The following FZD3 variants were observed in gnomAD, a reference collection of about 807,000 sequenced individuals.
The protein encoded by FZD3 is frizzled-3.
FZD3 carries 30 observed loss-of-function variants against 60.7 expected under a neutral mutation model. That is an observed-to-expected ratio of 0.49 (90% CI 0.37 to 0.67). The LOEUF is 0.67. FZD3 is among the 30% of genes least tolerant of loss of function. The pLI, the probability that FZD3 is intolerant of heterozygous loss-of-function variation, is 0.00. For missense variants in FZD3, 605 were observed against 838.7 expected, an observed-to-expected ratio of 0.72 and a Z score of 3.44; for synonymous variants, 246 against 275.2, an observed-to-expected ratio of 0.89 and a Z score of 1.05.
intron 5 of FZD3, among the ~76,000 whole-genome samples, chr8:28,531,313 G>A (rs1029372662): frequency 6.6e-6 from 1 of 152,100 alleles, no homozygotes; most frequent in Non-Finnish European, 1.5e-5. Flanking sequence ...ATGTTTTTGA[G>A]AATATATATG....
chr8:28,537,541 GCTTTGCTGCTATGGTA>G (rs1805048741), intron 5 of FZD3, among the ~76,000 whole-genome samples: 1 of 74,290 alleles, frequency 1.3e-5, no homozygotes, highest in Non-Finnish European at 3.2e-5. Flanking sequence ...CAACTACTCA[GCTTTGCTGCTATGGTA>G]CAAAAGCAGC....
chr8:28,515,060 G>A (rs547272748), intron 3 of FZD3, among the ~76,000 whole-genome samples: 3 of 152,216 alleles, frequency 2.0e-5, no homozygotes, highest in South Asian at 2.1e-4. Flanking sequence ...AAGTTACTTC[G>A]TTTTCTGTAT....
rs750941121 is a variant in FZD3 at position 28,573,817 on chromosome 8, G to A, written c.*10806G>A. 4 of 151,938 alleles carry A rather than the reference G, an allele frequency of 2.6e-5. No homozygotes were observed. Among genetic ancestry groups the A allele is most frequent in the Non-Finnish European group, 5.9e-5 (4 of 67,986 alleles). 9.4% of individuals were successfully genotyped at this position (151,938 alleles called of 1,614,324 possible). On this transcript the variant is annotated 3_prime_UTR_variant, in exon 8 of 8. Coordinates refer to ENST00000240093, the MANE Select transcript of FZD3 (RefSeq NM_017412.4). The stretch of plus-strand genomic sequence containing the variant: ...AAAATATGTCATTTTTAAATAGCTG[G>A]CACTTAGCAGTTTAGTTTTCCAAAC...
In FZD3 at chr8:28,510,415, A is replaced by G. The variant is rs527252444; in HGVS notation, c.189+7213A>G. On this transcript the variant is annotated intron_variant, in intron 3 of 7. Transcript: ENST00000240093. The stretch of plus-strand genomic sequence containing the variant: ...AGGGGTTGTACTATTTTGCATTCCC[A>G]CTAGTAATGTGTGAGAGTATCTGTT... Among the ~76,000 whole-genome samples the G allele has an allele frequency of 2.0e-5, 3 of 152,314 alleles. No homozygotes were observed. The South Asian group carries it at 6.2e-4, about 32-fold the overall frequency.
At chr8:28,542,318 G>A (rs941719645) in intron 5 of FZD3, among the ~76,000 whole-genome samples, 1 of 152,034 alleles carries the variant, frequency 6.6e-6, no homozygotes, top group Non-Finnish European at 1.5e-5. Context: ...TGTCCTTGAA[G>A]AAGCCTTTAC....
intron 3 of FZD3, among the ~76,000 whole-genome samples, chr8:28,514,871 G>A (rs1438945487): frequency 1.3e-5 from 2 of 152,128 alleles, no homozygotes. Flanking sequence ...TATTAATTGT[G>A]TTCTGTATGC....
At chr8:28,519,262 T>C (rs573899978) in intron 3 of FZD3, among the ~76,000 whole-genome samples, 38 of 152,298 alleles carry the variant, frequency 2.5e-4, no homozygotes, top group African/African-American at 7.9e-4. Context: ...ATGCAAAAAA[T>C]ATTCCATAGT....
At chr8:28,530,102 TGTGTGTGTGTGTG>T (rs1804825737) in intron 5 of FZD3, among the ~76,000 whole-genome samples, 2 of 28,480 alleles carry the variant, frequency 7.0e-5, no homozygotes, top group Admixed American at 7.6e-4. Flanking sequence ...TGTGTGTGTG[TGTGTGTGTGTGTG>T]TGTGTGTGTG....
At position 28,538,121 on chromosome 8, in the gene FZD3, AAAT is replaced by A. The variant is rs376137685; in HGVS notation, c.1404+9982_1404+9984del. ...GACAAGAGTGAAACTCTTGTCTCCAAAATAATAATAATAATAATAATAATAATT... is the reference window on the plus strand; with the variant it reads ...GACAAGAGTGAAACTCTTGTCTCCAAAATAATAATAATAATAATAATAATT... On this transcript the variant is annotated intron_variant, in intron 5 of 7. Transcript: ENST00000240093. Among the ~76,000 whole-genome samples the A allele has an allele frequency of 4.6e-3, 686 of 149,798 alleles. 21 individuals carry two copies. In the East Asian group the frequency reaches 0.086, roughly 19 times the overall value.
chr8:28,570,110 G>A lies in FZD3; in HGVS notation c.*7099G>A, dbSNP rs1299753452. On this transcript the variant is annotated 3_prime_UTR_variant, in exon 8 of 8. Coordinates refer to ENST00000240093, the MANE Select transcript of FZD3 (RefSeq NM_017412.4). ...AATGTCTTCATTTGAAATATTATTA[G>A]AGATCAATGTGGCTTGTTATTTTTA... 1 of 152,170 alleles carries A rather than the reference G, an allele frequency of 6.6e-6. No individual in the cohort carries two copies. Among genetic ancestry groups the A allele is most frequent in the Non-Finnish European group, 1.5e-5 (1 of 68,026 alleles). The allele number at this position is 152,170 out of a possible 1,614,324, so 9.4% of individuals were successfully genotyped here.
intron 5 of FZD3, 99 bp downstream of exon 5, chr8:28,528,263 A>T: frequency 1.2e-6 from 1 of 844,698 alleles, no homozygotes; most frequent in Non-Finnish European, 1.8e-6. Context: ...AAATGTCATG[A>T]ACCTTCAACT....
chr8:28,521,659 C>G (rs1804583671), intron 4 of FZD3, among the ~76,000 whole-genome samples: 1 of 152,066 alleles, frequency 6.6e-6, no homozygotes, highest in African/African-American at 2.4e-5. Context: ...TAAAATCATT[C>G]CCATGTTTGC....
At chr8:28,552,373 A>G (rs918332032) in intron 6 of FZD3, among the ~76,000 whole-genome samples, 2 of 152,224 alleles carry the variant, frequency 1.3e-5, no homozygotes, top group African/African-American at 4.8e-5. Flanking sequence ...CATACTGCAT[A>G]TTACAGTGTG....
intron 4 of FZD3, among the ~76,000 whole-genome samples, chr8:28,521,939 C>T (rs999108589): frequency 6.6e-6 from 1 of 151,874 alleles, no homozygotes; most frequent in Non-Finnish European, 1.5e-5. Flanking sequence ...CTCTTGGAGG[C>T]GAGTAAAGCA....
intron 3 of FZD3, among the ~76,000 whole-genome samples, chr8:28,517,232 C>T (rs1001511671): frequency 2.0e-5 from 3 of 152,144 alleles, no homozygotes; most frequent in Non-Finnish European, 4.4e-5. Flanking sequence ...TTATAGTTTG[C>T]AGTTATTTTC....
intron 5 of FZD3, among the ~76,000 whole-genome samples, chr8:28,544,423 ACTTT>A (rs1173876225): frequency 6.6e-5 from 10 of 152,122 alleles, no homozygotes; most frequent in Non-Finnish European, 1.5e-4. Flanking sequence ...TATATAGCTT[ACTTT>A]ACATATTTAT....
intron 1 of FZD3, 138 bp downstream of exon 1, chr8:28,494,481 G>GCCT (rs896064424): frequency 2.6e-5 from 4 of 151,976 alleles, no homozygotes; most frequent in Non-Finnish European, 5.9e-5. Flanking sequence ...GCAGCCCGGC[G>GCCT]CCTCCTCCTC....
intron 3 of FZD3, among the ~76,000 whole-genome samples, chr8:28,513,823 G>A (rs1255091854): frequency 6.6e-6 from 1 of 152,184 alleles, no homozygotes; most frequent in African/African-American, 2.4e-5. Flanking sequence ...TTTGTAGAGT[G>A]ACAAAGGTTG....
chr8:28,509,171 A>T (rs1160242083), intron 3 of FZD3, among the ~76,000 whole-genome samples: 1 of 151,872 alleles, frequency 6.6e-6, no homozygotes, highest in African/African-American at 2.4e-5. Context: ...TTAATTTTTT[A>T]ATTTAAATTT....
Sources: allele counts gnomAD v4.1 joint callset (sites outside exome capture counted in the v4.1 genomes callset), GRCh38; gene constraint gnomAD v4.1.1; transcripts MANE v1.5; gene names NCBI Gene and HGNC (gene_info 2026-07-23, HGNC 2026-07-21).